Variants in CELF2 observed in about 807,000 individuals in gnomAD.
CELF2 encodes CUGBP Elav-like family member 2.
In CELF2, 8 loss-of-function variants were observed where a neutral mutation model predicts 62.6. The observed-to-expected ratio is 0.13, with a 90% CI of 0.07 to 0.23. The LOEUF is 0.23. CELF2 is among the 10% of genes least tolerant of loss of function. The probability of loss-of-function intolerance (pLI) is 1.00; values close to 1 mark genes in which losing one functional copy is unlikely to be tolerated. For missense variants in CELF2, 333 were observed against 671.0 expected, an observed-to-expected ratio of 0.50 and a Z score of 5.56; for synonymous variants, 258 against 250.0, an observed-to-expected ratio of 1.03 and a Z score of -0.30.
In CELF2 at chr10:11,285,002, GACGGATGGGTGGGAGGATAGTGGATC is replaced by G. The variant is rs2090721487; in HGVS notation, c.842-3415_842-3390del. Among the ~76,000 whole-genome samples, 1 of 151,318 alleles carries G rather than the reference GACGGATGGGTGGGAGGATAGTGGATC, an allele frequency of 6.6e-6. No homozygotes were observed. The highest frequency in any genetic ancestry group is 2.4e-5 in the African/African-American group (1 of 41,048). ...GTGGATGAGAGATGGATGTGTGGAT[GACGGATGGGTGGGAGGATAGTGGATC>G]TGTGGATGGATAATTAAGTGGATGG... is the stretch of plus-strand genomic sequence containing the variant. On this transcript the variant is annotated intron_variant, in intron 8 of 12. Transcript: ENST00000633077. The surrounding 1 kb of genome is among the most constrained non-coding windows in gnomAD (Gnocchi z 4.3).
At chr10:11,104,731 GC>G (rs2052887506) in intron 1 of CELF2, among the ~76,000 whole-genome samples, 1 of 152,128 alleles carries the variant, frequency 6.6e-6, no homozygotes, top group African/African-American at 2.4e-5. Context: ...TTCACTAAAT[GC>G]ACTAAGGTAA....
chr10:10,987,804 A>G (rs1410169761), intron 2 of CELF2, among the ~76,000 whole-genome samples: 2 of 152,224 alleles, frequency 1.3e-5, no homozygotes, highest in South Asian at 2.1e-4. Flanking sequence ...GGCAAAGAAC[A>G]TGAATAGACA....
At chr10:11,013,256 A>G (rs2056755129), upstream of CELF2, among the ~76,000 whole-genome samples, 1 of 152,206 alleles carries the variant, frequency 6.6e-6, no homozygotes, top group Non-Finnish European at 1.5e-5. This position sits in a 1 kb window ranked among gnomAD's most constrained non-coding sequence, Gnocchi z 4.1. Flanking sequence ...GGAGGAGAAA[A>G]GGGAGAAAGA....
the CELF2 span, among the ~76,000 whole-genome samples, chr10:10,505,321 A>G: frequency 6.6e-6 from 1 of 151,976 alleles, no homozygotes; most frequent in Non-Finnish European, 1.5e-5. Flanking sequence ...CTTTTTTACT[A>G]CAGGGTTGGG....
chr10:10,880,041 G>A (rs2061351430), intron 1 of CELF2, among the ~76,000 whole-genome samples: 1 of 152,198 alleles, frequency 6.6e-6, no homozygotes, highest in African/African-American at 2.4e-5. Context: ...AGAAGAAAAT[G>A]TGCCCAATCT....
At chr10:11,054,507 G>GTGTGTATGTGTA (rs1554804123) in intron 1 of CELF2, among the ~76,000 whole-genome samples, 1 of 151,152 alleles carries the variant, frequency 6.6e-6, no homozygotes, top group African/African-American at 2.4e-5. Flanking sequence ...GTGTGTGTGT[G>GTGTGTATGTGTA]TGTGTGTGTG....
At chr10:10,522,581 T>C in the CELF2 span, among the ~76,000 whole-genome samples, 301 of 152,266 alleles carry the variant, frequency 2.0e-3, 1 homozygote, top group African/African-American at 7.0e-3. Context: ...TTATTATTTA[T>C]TTGAGATGGA....
At chr10:10,529,718 G>C in the CELF2 span, among the ~76,000 whole-genome samples, 1 of 146,640 alleles carries the variant, frequency 6.8e-6, no homozygotes, top group Non-Finnish European at 1.5e-5. Flanking sequence ...AAAATGGTGA[G>C]TGTGAAGCAA....
chr10:10,511,432 A>G, the CELF2 span, among the ~76,000 whole-genome samples: 1 of 152,016 alleles, frequency 6.6e-6, no homozygotes, highest in African/African-American at 2.4e-5. Context: ...TAAATAAATA[A>G]AATATATGTA....
chr10:10,698,724 G>A, the CELF2 span, among the ~76,000 whole-genome samples: 1,293 of 152,146 alleles, frequency 8.5e-3, 6 homozygotes, highest in African/African-American at 0.012. Context: ...AGCGGTCATC[G>A]ATTTGTTATC....
chr10:11,304,830 A>G (rs140781353), intron 9 of CELF2, among the ~76,000 whole-genome samples: 2 of 152,298 alleles, frequency 1.3e-5, no homozygotes, highest in African/African-American at 4.8e-5. Context: ...TTTGCCATGT[A>G]ACCTAACATA....
intron 1 of CELF2, among the ~76,000 whole-genome samples, chr10:10,902,620 C>T (rs1261839024): frequency 6.6e-6 from 1 of 152,114 alleles, no homozygotes; most frequent in East Asian, 1.9e-4. Context: ...AAAAGGATTA[C>T]AAAGGTGCAG....
At chr10:11,287,080 A>G (rs1042054935) in intron 8 of CELF2, among the ~76,000 whole-genome samples, 2 of 152,208 alleles carry the variant, frequency 1.3e-5, no homozygotes, top group East Asian at 1.9e-4. Context: ...GTATGTTGCT[A>G]GAACATTCTC....
At chr10:10,729,121 T>C in the CELF2 span, among the ~76,000 whole-genome samples, 3 of 152,194 alleles carry the variant, frequency 2.0e-5, no homozygotes, top group African/African-American at 7.2e-5. Flanking sequence ...GAGGTTTAAA[T>C]ACCAATTTGT....
rs185698293 is a variant in CELF2, at chr10:10,855,637, A to G, written c.53+56820A>G. Among the ~76,000 whole-genome samples the G allele has an allele frequency of 1.8e-3, 273 of 152,366 alleles. 2 individuals carry two copies. Among genetic ancestry groups the G allele is most frequent in the South Asian group, 0.013 (61 of 4,830 alleles). On this transcript the variant is annotated intron_variant, in intron 1 of 13. Coordinates refer to the CELF2 transcript ENST00000636488. ...CCCATTCATTCTGCTGCAGGTCTCAACAGAAAAGAGGAGGATCAGGGTGGT... is the reference window on the plus strand; with the variant it reads ...CCCATTCATTCTGCTGCAGGTCTCAGCAGAAAAGAGGAGGATCAGGGTGGT...
Position 11,243,569 on chromosome 10 carries a change from TCTC to T in CELF2, c.355-5581_355-5579del, listed in dbSNP as rs2074675492. Among the ~76,000 whole-genome samples the T allele has an allele frequency of 6.6e-6, 1 of 152,186 alleles. No individual in the cohort carries two copies. Among genetic ancestry groups the T allele is most frequent in the Non-Finnish European group, 1.5e-5 (1 of 68,030 alleles). ...CGGCCTTGCGTGAGAGGACCAGAGA[TCTC>T]CTGTCGTCTTCCAGGCTTGCTGCAA... On this transcript the variant is annotated intron_variant, in intron 3 of 12. Coordinates refer to ENST00000633077, the MANE Select transcript of CELF2 (RefSeq NM_001326342.2). The surrounding 1 kb of genome is among the most constrained non-coding windows in gnomAD (Gnocchi z 4.1).
chr10:10,564,204 C>T, the CELF2 span, among the ~76,000 whole-genome samples: 3 of 152,152 alleles, frequency 2.0e-5, no homozygotes, highest in Non-Finnish European at 4.4e-5. Flanking sequence ...AGGCTCATCA[C>T]CAAGGATTTA....
intron 1 of CELF2, among the ~76,000 whole-genome samples, chr10:10,859,924 A>T (rs1337221588): frequency 6.6e-6 from 1 of 152,106 alleles, no homozygotes. Flanking sequence ...ACATTTTTTA[A>T]AAAAAATTGG....
the CELF2 span, among the ~76,000 whole-genome samples, chr10:10,736,395 T>TTTTC: frequency 5.0e-4 from 41 of 81,964 alleles, no homozygotes; most frequent in South Asian, 0.012. Flanking sequence ...TTTCTTTCTT[T>TTTTC]CTTTTTTTTT....
Sources: gnomAD v4.1 joint callset for allele counts (sites outside exome capture counted in the v4.1 genomes callset) on GRCh38, gnomAD v4.1.1 for gene constraint, Gnocchi (gnomAD v3.1) non-coding constraint, MANE v1.5 for transcripts, NCBI Gene and HGNC (gene_info 2026-07-23, HGNC 2026-07-21) for gene names.